Variants in KIF6 observed in about 807,000 individuals in gnomAD.
KIF6 encodes kinesin family member 6.
A neutral mutation model predicts 112.7 loss-of-function variants in KIF6; 106 were observed. The observed-to-expected ratio is 0.94, with a 90% CI of 0.80 to 1.11. The LOEUF (loss-of-function observed/expected upper bound fraction) is 1.11. Ranked by LOEUF, KIF6 falls within the 50% of genes least tolerant of loss-of-function variation. The probability of loss-of-function intolerance (pLI) is 0.00; values close to 1 mark genes in which losing one functional copy is unlikely to be tolerated. For synonymous variants in KIF6, 339 were observed against 339.9 expected (o/e 1.00, Z 0.03); for missense variants, 929 against 964.0 (o/e 0.96, Z 0.48).
chr6:39,460,875 T>C (rs1015932649), intron 13 of KIF6, among the ~76,000 whole-genome samples: 4 of 152,190 alleles, frequency 2.6e-5, no homozygotes, highest in African/African-American at 9.7e-5. Flanking sequence ...CATACCTTTG[T>C]AATACTGCTT....
chr6:39,569,565 T>TA (rs776332495), intron 10 of KIF6, among the ~76,000 whole-genome samples: 1 of 152,214 alleles, frequency 6.6e-6, no homozygotes, highest in South Asian at 2.1e-4. Flanking sequence ...GATTAGCCAA[T>TA]AAAAAAATTT....
At chr6:39,719,605 G>A (rs1039310436) in intron 2 of KIF6, among the ~76,000 whole-genome samples, 1 of 152,132 alleles carries the variant, frequency 6.6e-6, no homozygotes, top group African/African-American at 2.4e-5. Context: ...TGAAAATGGA[G>A]ACTAAAGAGA....
intron 13 of KIF6, among the ~76,000 whole-genome samples, chr6:39,485,227 T>G (rs1775044453): frequency 6.6e-6 from 1 of 152,210 alleles, no homozygotes; most frequent in Non-Finnish European, 1.5e-5. Context: ...GCAGAGCCAT[T>G]TCATAGACAG....
At position 39,700,266 on chromosome 6, in the gene KIF6, T is replaced by C. The variant is rs370630465; in HGVS notation, c.251+14426A>G. Reference sequence around the variant, plus strand: ...TATTCATTCTTTCTATAAGGTTTGCTAACTTTTAATTTGGAGAAAGATCTT... The same window carrying C: ...TATTCATTCTTTCTATAAGGTTTGCCAACTTTTAATTTGGAGAAAGATCTT... On this transcript the variant is annotated intron_variant, in intron 3 of 22. Transcript: ENST00000287152. 2.0e-3 allele frequency among the ~76,000 whole-genome samples: 300 copies of C among 152,362 alleles called. 1 individual carries two copies. Among genetic ancestry groups the C allele is most frequent in the African/African-American group, 6.9e-3 (287 of 41,592 alleles).
At chr6:39,369,372 C>T (rs573731747) in intron 16 of KIF6, among the ~76,000 whole-genome samples, 29 of 152,284 alleles carry the variant, frequency 1.9e-4, no homozygotes, top group African/African-American at 6.0e-4. Context: ...GGCACACTCA[C>T]CCCCACTGCC....
chr6:39,674,648 T>A (rs886885942), intron 3 of KIF6, among the ~76,000 whole-genome samples: 5 of 150,802 alleles, frequency 3.3e-5, no homozygotes, highest in African/African-American at 1.2e-4. Context: ...TTTCAAAGAG[T>A]TCTGATCAAT....
chr6:39,424,322 C>T (rs746745223), intron 14 of KIF6, among the ~76,000 whole-genome samples: 2 of 152,206 alleles, frequency 1.3e-5, no homozygotes, highest in Non-Finnish European at 2.9e-5. Flanking sequence ...CTCCCCAGCA[C>T]CCTGCACTTC....
chr6:39,378,637 T>C lies in KIF6; in HGVS notation c.1861+6985A>G, dbSNP rs557389887. On this transcript the variant is annotated intron_variant, in intron 16 of 22. Transcript: ENST00000287152. This position sits in a 1 kb window ranked among gnomAD's most constrained non-coding sequence, Gnocchi z 5.0. ...AACCCCCCAGGGCCACTCCTTCTGG[T>C]AAGAACGGGAAGTTCTCATGGCCTG... 2.4e-3 allele frequency among the ~76,000 whole-genome samples: 361 copies of C among 152,304 alleles called. No homozygotes were observed. The highest frequency in any genetic ancestry group is 8.3e-3 in the African/African-American group (344 of 41,556).
chr6:39,362,543 A>T (rs747558490), intron 16 of KIF6, 25 bp from the exon 17 acceptor site: 2 of 1,519,640 alleles, frequency 1.3e-6, no homozygotes, highest in Admixed American at 3.3e-5. Context: ...TGCCAATGGG[A>T]TGGTGAGAAA....
At chr6:39,521,628 C>T (rs1326570762) in intron 13 of KIF6, among the ~76,000 whole-genome samples, 2 of 152,100 alleles carry the variant, frequency 1.3e-5, no homozygotes, top group African/African-American at 2.4e-5. Context: ...TAATTTCCAA[C>T]CTCTTCCCAA....
intron 13 of KIF6, among the ~76,000 whole-genome samples, chr6:39,468,766 TGA>T (rs1491486192): frequency 6.7e-6 from 1 of 149,520 alleles, no homozygotes; most frequent in Non-Finnish European, 1.5e-5. Context: ...CAATTCCACA[TGA>T]AAAAAAAAAG....
intron 16 of KIF6, among the ~76,000 whole-genome samples, chr6:39,365,298 A>G (rs1765474590): frequency 6.6e-6 from 1 of 152,202 alleles, no homozygotes; most frequent in South Asian, 2.1e-4. Context: ...GGACATGCAG[A>G]TACCATCAAC....
intron 13 of KIF6, among the ~76,000 whole-genome samples, chr6:39,452,868 A>G (rs1046460161): frequency 6.6e-6 from 1 of 152,244 alleles, no homozygotes; most frequent in Admixed American, 6.5e-5. Flanking sequence ...CTTGCAGTCA[A>G]CAGCATAAGA....
At chr6:39,653,879 C>G (rs188358291) in intron 3 of KIF6, among the ~76,000 whole-genome samples, 3 of 152,122 alleles carry the variant, frequency 2.0e-5, no homozygotes, top group Non-Finnish European at 4.4e-5. Context: ...TCTGAAGGCA[C>G]AGGAAACAGA....
intron 22 of KIF6, 63 bp from the exon 23 acceptor site, chr6:39,336,611 T>C (rs1017067916): frequency 1.8e-5 from 27 of 1,538,476 alleles, no homozygotes; most frequent in Non-Finnish European, 2.3e-5. Flanking sequence ...TTTCCCAGGA[T>C]TGAATCGGGG....
rs998325996 is a variant in KIF6 at position 39,544,453 on chromosome 6, G to T, written c.1426+102C>A. The T allele has an allele frequency of 3.3e-6, 4 of 1,211,722 alleles. No homozygotes were observed. The Admixed American group carries it at 1.1e-4, about 35-fold the overall frequency. The allele number at this position is 1,211,722 out of a possible 1,614,324, so 75.1% of individuals were successfully genotyped here. ...CAATGGAAAGAAGCAATGTGAAATG[G>T]AAGCTGGGTGGGGAGCTCAGCCATG... On this transcript the variant is annotated intron_variant, in intron 12 of 22. Coordinates refer to ENST00000287152, the MANE Select transcript of KIF6 (RefSeq NM_145027.6).
chr6:39,641,905 C>T (rs1784920669), intron 3 of KIF6, among the ~76,000 whole-genome samples: 1 of 152,106 alleles, frequency 6.6e-6, no homozygotes, highest in Admixed American at 6.6e-5. Flanking sequence ...GATGACATAG[C>T]TTCATAGAAC....
chr6:39,391,071 G>A (rs1192601522), intron 15 of KIF6, among the ~76,000 whole-genome samples: 2 of 152,204 alleles, frequency 1.3e-5, no homozygotes, highest in Non-Finnish European at 2.9e-5. Flanking sequence ...GGTATACTTT[G>A]AAAATGTATT....
At chr6:39,376,640 G>T (rs560351036) in intron 16 of KIF6, among the ~76,000 whole-genome samples, 20 of 152,328 alleles carry the variant, frequency 1.3e-4, no homozygotes, top group Admixed American at 9.8e-4. Flanking sequence ...GGGAAAGAAA[G>T]ACAATCTGTC....
Sources: allele counts gnomAD v4.1 joint callset (sites outside exome capture counted in the v4.1 genomes callset), GRCh38; gene constraint gnomAD v4.1.1; non-coding constraint Gnocchi (gnomAD v3.1); transcripts MANE v1.5; gene names NCBI Gene and HGNC (gene_info 2026-07-23, HGNC 2026-07-21).